Variants in NCKAP5 observed in about 807,000 individuals in gnomAD.
NCKAP5 encodes NCK associated protein 5.
NCKAP5 carries 92 observed loss-of-function variants against 167.0 expected under a neutral mutation model. That is an observed-to-expected ratio of 0.55 (90% CI 0.47 to 0.66). The LOEUF is 0.66. NCKAP5 is among the 30% of genes least tolerant of loss of function. The pLI is 0.00. For synonymous variants in NCKAP5, 891 were observed against 877.4 expected (o/e 1.02, Z -0.27); for missense variants, 2,378 against 2,315.0 (o/e 1.03, Z -0.56).
At chr2:132,713,737 T>C (rs1485097598) in intron 19 of NCKAP5, among the ~76,000 whole-genome samples, 1 of 151,734 alleles carries the variant, frequency 6.6e-6, no homozygotes. Context: ...GCTCTTATTT[T>C]AAGGTGAAAA....
At chr2:133,078,439 ACCTGTAGCT>A (rs1441113317) in intron 6 of NCKAP5, among the ~76,000 whole-genome samples, 2 of 151,986 alleles carry the variant, frequency 1.3e-5, no homozygotes, top group African/African-American at 4.8e-5. Context: ...GCAGTCTGGA[ACCTGTAGCT>A]TTACAGTTTT....
chr2:133,289,722 C>CA (rs35346473), intron 4 of NCKAP5, among the ~76,000 whole-genome samples: 42 of 150,724 alleles, frequency 2.8e-4, no homozygotes, highest in South Asian at 2.1e-3. Flanking sequence ...AACAAACAAA[C>CA]AAACAAAAAA....
At chr2:133,515,634 C>A (rs538958472) in intron 3 of NCKAP5, among the ~76,000 whole-genome samples, 2 of 152,340 alleles carry the variant, frequency 1.3e-5, no homozygotes, top group South Asian at 2.1e-4. Flanking sequence ...AGAAAGAATG[C>A]AAGCTCAATT....
the NCKAP5 span, among the ~76,000 whole-genome samples, chr2:133,624,047 C>T: frequency 6.6e-6 from 1 of 152,048 alleles, no homozygotes; most frequent in Non-Finnish European, 1.5e-5. Flanking sequence ...AACCAAACAG[C>T]ATAGGTTCTC....
chr2:133,588,986 G>T, the NCKAP5 span, among the ~76,000 whole-genome samples: 1 of 152,162 alleles, frequency 6.6e-6, no homozygotes, highest in Non-Finnish European at 1.5e-5. Flanking sequence ...AGTGGTTGTG[G>T]AGGTCACATG....
chr2:132,730,314 C>T (rs570190343), intron 17 of NCKAP5, among the ~76,000 whole-genome samples: 35 of 152,004 alleles, frequency 2.3e-4, no homozygotes, highest in Non-Finnish European at 3.8e-4. Flanking sequence ...GCCAACATGG[C>T]GAAACCCCAT....
chr2:132,792,059 G>GTTTTGTT, intron 12 of NCKAP5, among the ~76,000 whole-genome samples: 1 of 152,046 alleles, frequency 6.6e-6, no homozygotes, highest in Admixed American at 6.6e-5. Flanking sequence ...GTTTTGTTTT[G>GTTTTGTT]TTTTGTTTTT....
intron 5 of NCKAP5, among the ~76,000 whole-genome samples, chr2:133,133,609 T>G (rs1430118098): frequency 6.6e-6 from 1 of 152,202 alleles, no homozygotes; most frequent in Non-Finnish European, 1.5e-5. Context: ...GTTTCCCTGT[T>G]TTTCTGAAGA....
rs561880727 is a variant in NCKAP5, at chr2:133,153,003, C to T, written c.208-22892G>A. 3.3e-5 allele frequency among the ~76,000 whole-genome samples: 5 copies of T among 152,244 alleles called. No homozygotes were observed. In the South Asian group the frequency reaches 1.0e-3, roughly 32 times the overall value. On this transcript the variant is annotated intron_variant, in intron 5 of 19. Coordinates refer to ENST00000409261, the MANE Select transcript of NCKAP5 (RefSeq NM_207363.3). ...TGATGTTCAAACAATGACAAAATTG[C>T]CTAATGACAGATTTCTTAGAATGTA...
chr2:133,222,646 G>C (rs2086705527), intron 4 of NCKAP5, among the ~76,000 whole-genome samples: 2 of 138,778 alleles, frequency 1.4e-5, no homozygotes, highest in Admixed American at 1.4e-4. Context: ...TTGACCCCGT[G>C]GATCTCTAAA....
At chr2:133,173,822 T>C (rs563039646) in intron 5 of NCKAP5, among the ~76,000 whole-genome samples, 1 of 152,328 alleles carries the variant, frequency 6.6e-6, no homozygotes, top group Middle Eastern at 3.4e-3. Context: ...CATTTAGTCA[T>C]GGTCTAGCTC....
At chr2:132,912,742 C>T (rs1449470865) in intron 8 of NCKAP5, among the ~76,000 whole-genome samples, 1 of 152,176 alleles carries the variant, frequency 6.6e-6, no homozygotes, top group Non-Finnish European at 1.5e-5. Flanking sequence ...CTGCTTTCAG[C>T]AGCCTGAAAC....
At chr2:133,221,725 C>T (rs948783988) in intron 4 of NCKAP5, among the ~76,000 whole-genome samples, 1 of 152,168 alleles carries the variant, frequency 6.6e-6, no homozygotes, top group African/African-American at 2.4e-5. Context: ...AATAAGAAGG[C>T]ACTTTCTGCT....
At chr2:133,187,104 C>G (rs1341744170) in intron 5 of NCKAP5, among the ~76,000 whole-genome samples, 1 of 151,986 alleles carries the variant, frequency 6.6e-6, no homozygotes, top group Non-Finnish European at 1.5e-5. Flanking sequence ...TATAAACTTT[C>G]CTCTTATCAT....
intron 11 of NCKAP5, among the ~76,000 whole-genome samples, chr2:132,826,397 A>G (rs562359288): frequency 6.6e-6 from 1 of 152,314 alleles, no homozygotes; most frequent in Admixed American, 6.5e-5. Flanking sequence ...ACAATTAAAC[A>G]GCACACCTGT....
In NCKAP5 at chr2:133,351,219, G is replaced by T. The variant is rs563101123; in HGVS notation, c.70-48109C>A. On this transcript the variant is annotated intron_variant, in intron 3 of 19. Coordinates refer to ENST00000409261, the MANE Select transcript of NCKAP5 (RefSeq NM_207363.3). ...AAAAGCAAATTGGTTAATAGCTTCA[G>T]GAAAAAGGAAAAAAAAAATAAAAAC... is the stretch of plus-strand genomic sequence containing the variant. Among the ~76,000 whole-genome samples the T allele has an allele frequency of 3.3e-5, 5 of 150,962 alleles. No homozygotes were observed. The East Asian group carries it at 9.7e-4, about 29-fold the overall frequency.
intron 5 of NCKAP5, among the ~76,000 whole-genome samples, chr2:133,155,840 CAGATTTTGGACTTACCA>C (rs1373364281): frequency 6.6e-6 from 1 of 152,202 alleles, no homozygotes; most frequent in Non-Finnish European, 1.5e-5. Flanking sequence ...AACTACCCTG[CAGATTTTGGACTTACCA>C]AGCCTCTGCA....
chr2:133,203,390 T>C (rs571407270), intron 5 of NCKAP5, among the ~76,000 whole-genome samples: 2 of 151,600 alleles, frequency 1.3e-5, no homozygotes, highest in Non-Finnish European at 2.9e-5. Flanking sequence ...GGGCCTGTCA[T>C]GGGGTGGGGG....
chr2:133,087,036 C>T (rs2081016637), intron 6 of NCKAP5, among the ~76,000 whole-genome samples: 1 of 152,122 alleles, frequency 6.6e-6, no homozygotes, highest in Admixed American at 6.6e-5. Flanking sequence ...AATTCTCAGA[C>T]ACAGAACTTG....
Sources: allele counts gnomAD v4.1 joint callset (sites outside exome capture counted in the v4.1 genomes callset), GRCh38; gene constraint gnomAD v4.1.1; transcripts MANE v1.5; gene names NCBI Gene and HGNC (gene_info 2026-07-23, HGNC 2026-07-21).